Variants in ADGRV1 observed in about 807,000 individuals in gnomAD.
The protein encoded by ADGRV1 is adhesion G protein-coupled receptor V1.
ADGRV1 carries 359 observed loss-of-function variants against 596.2 expected under a neutral mutation model. The ratio of observed to expected loss-of-function variants is 0.60; its 90% CI spans 0.55 to 0.66. ADGRV1 has a LOEUF of 0.66. ADGRV1 is among the 30% of genes least tolerant of loss of function. ADGRV1 has a pLI of 0.00. For missense variants in ADGRV1, 7,274 were observed against 7,575.6 expected (o/e 0.96, Z 1.48); for synonymous variants, 2,681 against 2,679.2 (o/e 1.00, Z -0.02).
chr5:90,847,769 C>T (rs892607318), intron 78 of ADGRV1, among the ~76,000 whole-genome samples: 3 of 152,228 alleles, frequency 2.0e-5, no homozygotes, highest in South Asian at 2.1e-4. Context: ...CCGCTGAATG[C>T]GGGGCCCACT....
chr5:91,160,302 G>A (rs543504713), intron 89 of ADGRV1, among the ~76,000 whole-genome samples: 1 of 152,264 alleles, frequency 6.6e-6, no homozygotes, highest in East Asian at 1.9e-4. Context: ...ATGCAGCCCA[G>A]TGTAGTAAAC....
At chr5:90,949,493 G>A (rs1776878664) in intron 83 of ADGRV1, among the ~76,000 whole-genome samples, 1 of 152,094 alleles carries the variant, frequency 6.6e-6, no homozygotes, top group Admixed American at 6.5e-5. Context: ...TCCTCTTGAT[G>A]ACTATAAAAT....
chr5:90,752,769 C>G (rs541778181), intron 53 of ADGRV1, among the ~76,000 whole-genome samples: 8 of 152,286 alleles, frequency 5.3e-5, no homozygotes, highest in African/African-American at 1.9e-4. Flanking sequence ...TTGCAACACT[C>G]TTCGCAATAG....
chr5:90,964,994 G>A (rs575675195), intron 83 of ADGRV1, among the ~76,000 whole-genome samples: 16 of 152,202 alleles, frequency 1.1e-4, no homozygotes, highest in Non-Finnish European at 2.1e-4. Flanking sequence ...TTACTTCCTG[G>A]CAAGAGGCTG....
At position 90,811,170 on chromosome 5, in the gene ADGRV1, C is replaced by A. The variant is rs764795815; in HGVS notation, c.15910C>A (p.Leu5304Ile). 1.9e-6 allele frequency: 3 copies of A among 1,613,632 alleles called. No individual in the cohort carries two copies. Among genetic ancestry groups the A allele is most frequent in the South Asian group, 2.2e-5 (2 of 91,024 alleles). ...AGAACAAACTCTTACCCTTATATTCCTAGATGGAGAAAGAGAACGTAAAGT... is the reference window on the plus strand; with the variant it reads ...AGAACAAACTCTTACCCTTATATTCATAGATGGAGAAAGAGAACGTAAAGT... The part of the protein sequence containing the change: ...FEEQTLTLIF[L>I]DGERERKVSV... Residue 5304 changes from leucine to isoleucine, a missense_variant, in exon 74 of 90, where the codon CTA (leucine) becomes ATA (isoleucine). By Grantham distance (5) the Leu-to-Ile change is conservative. This residue lies in a region of ADGRV1 where 1,874 missense variants were observed against 1,970.2 expected (regional missense o/e 0.95). Transcript: ENST00000405460.
intron 31 of ADGRV1, 190 bp downstream of exon 31, chr5:90,691,231 T>G: frequency 1.3e-6 from 1 of 741,734 alleles, no homozygotes; most frequent in Non-Finnish European, 2.3e-6. Flanking sequence ...AAATAGATTG[T>G]ATACATATGC....
intron 38 of ADGRV1, among the ~76,000 whole-genome samples, chr5:90,706,783 A>G (rs901001800): frequency 1.3e-5 from 2 of 150,878 alleles, no homozygotes; most frequent in African/African-American, 2.4e-5. Flanking sequence ...ACACTCTACA[A>G]TTATAATACC....
rs771168232 is a variant in ADGRV1 at position 90,672,696 on chromosome 5, A to G, written c.4903A>G (p.Thr1635Ala). Residue 1635 changes from threonine to alanine, a missense_variant, in exon 22 of 90, where the codon ACA becomes GCA. By Grantham distance (58) the Thr-to-Ala change is moderately conservative (BLOSUM62 0). Around this residue, in one of 5 missense-constraint regions of ADGRV1, gnomAD observed 3,643 missense variants for 3,809.2 expected, o/e 0.96. Coordinates refer to ENST00000405460, the MANE Select transcript of ADGRV1 (RefSeq NM_032119.4). ...CTTTGCTAATGCCAGTGGAACTATT[A>G]CATTCCTTCCTTGGCAGAGATCAGA... ...DDFANASGTI[T>A]FLPWQRSEVL... 2 of 1,612,956 alleles carry G rather than the reference A, an allele frequency of 1.2e-6. No individual in the cohort carries two copies. The highest frequency in any genetic ancestry group is 1.7e-6 in the Non-Finnish European group (2 of 1,179,318).
chr5:90,994,667 T>C (rs1182054795), intron 85 of ADGRV1, among the ~76,000 whole-genome samples: 1 of 152,236 alleles, frequency 6.6e-6, no homozygotes, highest in South Asian at 2.1e-4. Flanking sequence ...ATGTGGAAAT[T>C]TTAGAAATCA....
chr5:90,651,193 TTTA>T (rs1184195425), intron 17 of ADGRV1, among the ~76,000 whole-genome samples: 5 of 152,186 alleles, frequency 3.3e-5, no homozygotes, highest in Non-Finnish European at 5.9e-5. Context: ...TGGGTAGTCC[TTTA>T]TTATTTGTAT....
chr5:91,159,785 T>G (rs1161081583), intron 89 of ADGRV1, among the ~76,000 whole-genome samples: 8 of 152,170 alleles, frequency 5.3e-5, no homozygotes, highest in Admixed American at 5.2e-4. Context: ...ACAGTCACCC[T>G]GGGACAGCCT....
chr5:91,155,158 T>A (rs563502840), intron 89 of ADGRV1, among the ~76,000 whole-genome samples: 1 of 152,086 alleles, frequency 6.6e-6, no homozygotes, highest in Admixed American at 6.5e-5. Context: ...GACATTCACA[T>A]AAACATGACA....
chr5:90,870,054 GA>G (rs1360344117), intron 83 of ADGRV1, among the ~76,000 whole-genome samples: 1 of 152,220 alleles, frequency 6.6e-6, no homozygotes, highest in African/African-American at 2.4e-5. Context: ...AATAATTGGA[GA>G]ACGATATGTG....
chr5:90,976,976 G>A lies in ADGRV1; in HGVS notation c.17974-8368G>A, dbSNP rs139756594. On this transcript the variant is annotated intron_variant, in intron 84 of 89. Transcript: ENST00000405460. The stretch of plus-strand genomic sequence containing the variant: ...GTACTTGAGCATTCACATCTTGTGC[G>A]TTATTTTCTCAATATAACCAGGCTA... Among the ~76,000 whole-genome samples the A allele has an allele frequency of 9.1e-4, 138 of 152,198 alleles. 1 individual carries two copies. The highest frequency in any genetic ancestry group is 6.7e-3 in the Admixed American group (103 of 15,292).
At chr5:90,625,311 T>C (rs1039950034) in intron 6 of ADGRV1, 68 bp downstream of exon 6, 7 of 987,338 alleles carry the variant, frequency 7.1e-6, no homozygotes, top group Admixed American at 5.9e-5. Flanking sequence ...CTGTATAAAC[T>C]TAGTGTATTG....
chr5:91,135,232 T>A (rs770810297), intron 87 of ADGRV1, among the ~76,000 whole-genome samples: 9 of 151,820 alleles, frequency 5.9e-5, no homozygotes, highest in African/African-American at 1.2e-4. Flanking sequence ...TTTCCTTGTG[T>A]ACTAAAATTA....
chr5:91,021,490 G>A (rs1405251589), intron 85 of ADGRV1, among the ~76,000 whole-genome samples: 1 of 152,056 alleles, frequency 6.6e-6, no homozygotes, highest in Non-Finnish European at 1.5e-5. Context: ...GGAAATCAAA[G>A]CTGAGACTAA....
chr5:90,985,175 T>A (rs149127805), intron 84 of ADGRV1, among the ~76,000 whole-genome samples, 169 bp from the exon 85 acceptor site: 166 of 152,304 alleles, frequency 1.1e-3, no homozygotes, highest in African/African-American at 3.7e-3. Context: ...TGGATAAGAA[T>A]GAAATTGTTA....
chr5:91,068,171 G>A (rs774024324), intron 85 of ADGRV1, among the ~76,000 whole-genome samples: 1 of 151,968 alleles, frequency 6.6e-6, no homozygotes, highest in African/African-American at 2.4e-5. Context: ...AATAGTATCT[G>A]AGTGGCCAGG....
Sources: gnomAD v4.1 joint callset for allele counts (sites outside exome capture counted in the v4.1 genomes callset) on GRCh38, gnomAD v4.1.1 for gene constraint, gnomAD v4.1.1 regional missense constraint, MANE v1.5 for transcripts, NCBI Gene and HGNC (gene_info 2026-07-23, HGNC 2026-07-21) for gene names.